The following IL23R variants were observed in gnomAD, a reference collection of about 807,000 sequenced individuals.
IL23R encodes interleukin-23 receptor.
A neutral mutation model predicts 56.9 loss-of-function variants in IL23R; 34 were observed. That is an observed-to-expected ratio of 0.60 (90% CI 0.45 to 0.80). The LOEUF (loss-of-function observed/expected upper bound fraction) is 0.80, where lower values mean the gene tolerates loss of function less well. Among genes scored for constraint, IL23R ranks in the 30% least tolerant of loss-of-function variants. IL23R has a pLI of 0.00. For missense variants in IL23R, 635 were observed against 730.0 expected (o/e 0.87, Z 1.50); for synonymous variants, 230 against 249.2 (o/e 0.92, Z 0.73).
chr1:67,217,772 G>A (rs1186143653), intron 6 of IL23R, among the ~76,000 whole-genome samples: 1 of 151,388 alleles, frequency 6.6e-6, no homozygotes, highest in Non-Finnish European at 1.5e-5. Flanking sequence ...CTATTCTAGG[G>A]CAGATGACAT....
At chr1:67,226,870 A>G (rs1650652930) in intron 7 of IL23R, among the ~76,000 whole-genome samples, 1 of 152,048 alleles carries the variant, frequency 6.6e-6, no homozygotes, top group Admixed American at 6.5e-5. Context: ...TCTGTTTCCT[A>G]TTTCTCCTGA....
intron 3 of IL23R, among the ~76,000 whole-genome samples, chr1:67,173,906 C>CCA: frequency 6.6e-6 from 1 of 152,212 alleles, no homozygotes; most frequent in East Asian, 1.9e-4. Flanking sequence ...ACTAATTGAA[C>CCA]CATTTTGCAA....
chr1:67,258,117 T>A (rs2100395555), intron 10 of IL23R, among the ~76,000 whole-genome samples: 1 of 152,308 alleles, frequency 6.6e-6, no homozygotes, highest in Non-Finnish European at 1.5e-5. Context: ...ATATTAATAT[T>A]AATATTCTTG....
rs1250252334 is a variant in IL23R, at chr1:67,219,599, C to T, written c.824C>T (p.Thr275Ile). 1 of 1,613,994 alleles carries T rather than the reference C, an allele frequency of 6.2e-7. No individual in the cohort carries two copies. Among genetic ancestry groups the T allele is most frequent in the Admixed American group, 1.7e-5 (1 of 60,020 alleles). ...WNVKEFDTNF[T>I]YVQQSEFYLE... ...GTTAAAGAATTTGACACCAATTTTA[C>T]ATATGTGCAACAGTCAGAATTCTAC... is the stretch of plus-strand genomic sequence containing the variant. The change falls in exon 7 of 11, where the codon ACA becomes ATA. Residue 275 changes from threonine (T) to isoleucine (I), a missense_variant. Thr to Ile is a moderately conservative substitution (Grantham distance 89). Coordinates refer to ENST00000347310, the MANE Select transcript of IL23R (RefSeq NM_144701.3).
intron 4 of IL23R, among the ~76,000 whole-genome samples, chr1:67,194,528 T>A (rs1193538057): frequency 6.6e-6 from 1 of 152,230 alleles, no homozygotes; most frequent in Non-Finnish European, 1.5e-5. Context: ...GTGTAATTAG[T>A]CATTATTATC....
chr1:67,197,999 A>G (rs1648300301), intron 4 of IL23R, among the ~76,000 whole-genome samples: 1 of 152,112 alleles, frequency 6.6e-6, no homozygotes, highest in South Asian at 2.1e-4. Context: ...TTTATGAAGA[A>G]AAGAGTTTTA....
chr1:67,160,411 G>C (rs1378726921), intron 1 of IL23R, among the ~76,000 whole-genome samples: 4 of 152,194 alleles, frequency 2.6e-5, no homozygotes, highest in African/African-American at 9.6e-5. Context: ...AACCACTGAA[G>C]ACCATTGGCT....
At chr1:67,163,558 A>G (rs1250964476), upstream of IL23R, among the ~76,000 whole-genome samples, 2 of 149,560 alleles carry the variant, frequency 1.3e-5, no homozygotes, top group African/African-American at 4.9e-5. Flanking sequence ...GGTTAGGCCT[A>G]GTGGGAGGTG....
chr1:67,210,368 A>G (rs1175683620), intron 6 of IL23R, among the ~76,000 whole-genome samples: 3 of 152,184 alleles, frequency 2.0e-5, no homozygotes, highest in Non-Finnish European at 4.4e-5. Context: ...TTTAAAAGAA[A>G]TGCTATTTGA....
chr1:67,204,413 CTAAA>C (rs937690304), intron 5 of IL23R, among the ~76,000 whole-genome samples: 5 of 152,144 alleles, frequency 3.3e-5, no homozygotes, highest in African/African-American at 9.7e-5. Context: ...GTGTAACAAA[CTAAA>C]TATTCAAGTA....
upstream of IL23R, among the ~76,000 whole-genome samples, chr1:67,165,317 T>C (rs1646862665): frequency 1.3e-5 from 2 of 152,214 alleles, no homozygotes. Context: ...TAAGTATTGC[T>C]GAGGGTACAG....
At chr1:67,175,849 A>T (rs376189919) in intron 3 of IL23R, among the ~76,000 whole-genome samples, 4 of 152,148 alleles carry the variant, frequency 2.6e-5, no homozygotes, top group South Asian at 4.1e-4. Context: ...TTTTGAGACA[A>T]GGTCTCACTG....
chr1:67,145,022 A>G (rs1409912265), intron 1 of IL23R, among the ~76,000 whole-genome samples: 1 of 152,138 alleles, frequency 6.6e-6, no homozygotes, highest in Non-Finnish European at 1.5e-5. Context: ...CTCTTCACCT[A>G]GTCGCTGAGA....
At chr1:67,169,684 C>A in intron 3 of IL23R, 46 bp downstream of exon 3, 1 of 1,522,488 alleles carries the variant, frequency 6.6e-7, no homozygotes, top group Non-Finnish European at 9.1e-7. Flanking sequence ...GCTAGTTTAA[C>A]AATTAACTGG....
chr1:67,156,351 G>A (rs561146806), intron 1 of IL23R, among the ~76,000 whole-genome samples: 2 of 152,162 alleles, frequency 1.3e-5, no homozygotes, highest in African/African-American at 2.4e-5. Context: ...GTCAGGATCC[G>A]CCACTCTCTT....
At chr1:67,171,600 C>T (rs1463078581) in intron 3 of IL23R, among the ~76,000 whole-genome samples, 2 of 152,132 alleles carry the variant, frequency 1.3e-5, no homozygotes, top group Non-Finnish European at 2.9e-5. Context: ...TCCTTATCAT[C>T]CCTGCTCAGG....
upstream of IL23R, among the ~76,000 whole-genome samples, chr1:67,164,648 A>AAATAT: frequency 6.6e-6 from 1 of 150,990 alleles, no homozygotes; most frequent in South Asian, 2.1e-4. Flanking sequence ...AAATAAAATA[A>AAATAT]AATAAAATAA....
At chr1:67,170,548 G>A (rs1164258233) in intron 3 of IL23R, among the ~76,000 whole-genome samples, 1 of 152,144 alleles carries the variant, frequency 6.6e-6, no homozygotes, top group Non-Finnish European at 1.5e-5. Flanking sequence ...TCACTATAGT[G>A]ATATGGGCTG....
chr1:67,179,078 C>CT (rs1647052451), intron 3 of IL23R, among the ~76,000 whole-genome samples: 1 of 152,122 alleles, frequency 6.6e-6, no homozygotes, highest in African/African-American at 2.4e-5. Context: ...CTAAAATTCT[C>CT]TTTTTTGGTT....
Sources: gnomAD v4.1 joint callset for allele counts (sites outside exome capture counted in the v4.1 genomes callset) on GRCh38, gnomAD v4.1.1 for gene constraint, MANE v1.5 for transcripts, NCBI Gene and HGNC (gene_info 2026-07-23, HGNC 2026-07-21) for gene names.